The following RAD50 variants were observed in gnomAD, a reference collection of about 807,000 sequenced individuals.
RAD50 encodes RAD50 double strand break repair protein.
In RAD50, 132 loss-of-function variants were observed where a neutral mutation model predicts 168.8. The observed-to-expected ratio is 0.78, with a 90% CI of 0.68 to 0.90. The LOEUF is 0.90. RAD50 is among the 40% of genes least tolerant of loss of function. The pLI, the probability that RAD50 is intolerant of heterozygous loss-of-function variation, is 0.00. For missense variants in RAD50, 1,347 were observed against 1,534.4 expected (o/e 0.88, Z 2.04); for synonymous variants, 525 against 497.4 (o/e 1.06, Z -0.74).
At chr5:132,631,956 C>G (rs942009494) in intron 21 of RAD50, among the ~76,000 whole-genome samples, 7 of 152,194 alleles carry the variant, frequency 4.6e-5, no homozygotes, top group African/African-American at 1.4e-4. Context: ...CTCTTACCGT[C>G]CTTCCTACCC....
rs587780158 is a variant in RAD50 at position 132,579,935 on chromosome 5, G to C, written c.625G>C (p.Glu209Gln). The change falls in exon 5 of 25, where the codon GAA becomes CAA. Residue 209 changes from glutamate to glutamine, a missense_variant. Physicochemically the swap from Glu to Gln is conservative, Grantham distance 29 (BLOSUM62 2). This residue lies in a region of RAD50 where 703 missense variants were observed against 767.7 expected (regional missense o/e 0.92). Transcript: ENST00000378823. The stretch of plus-strand genomic sequence containing the variant: ...TCAGAAAGTAAAAGAATATCAAATG[G>C]AACTAAAATATCTGAAGCAATATAA... ...QGQKVKEYQM[E>Q]LKYLKQYKEK... 26 of 1,611,970 alleles carry C rather than the reference G, an allele frequency of 1.6e-5. No individual in the cohort carries two copies. Among genetic ancestry groups the C allele is most frequent in the Non-Finnish European group, 2.1e-5 (25 of 1,178,260 alleles).
At chr5:132,600,828 A>G (rs1039056364) in intron 13 of RAD50, among the ~76,000 whole-genome samples, 1 of 152,234 alleles carries the variant, frequency 6.6e-6, no homozygotes, top group African/African-American at 2.4e-5. Flanking sequence ...AAAAAATGAT[A>G]GGCAGGCAAG....
At position 132,566,199 on chromosome 5, in the gene RAD50, A is replaced by G. The variant is rs555038270; in HGVS notation, c.213+6832A>G. 1.7e-3 allele frequency among the ~76,000 whole-genome samples: 261 copies of G among 152,318 alleles called. 2 individuals are homozygous for G. Among genetic ancestry groups the G allele is most frequent in the African/African-American group, 6.2e-3 (256 of 41,572 alleles). On this transcript the variant is annotated intron_variant, in intron 2 of 24. Transcript: ENST00000378823. ...TAAGAGTGTCAACAACAATGTAGTGATAGAAATGCTACAAGATAGCCCTTG... is the reference window on the plus strand; with the variant it reads ...TAAGAGTGTCAACAACAATGTAGTGGTAGAAATGCTACAAGATAGCCCTTG...
intron 2 of RAD50, among the ~76,000 whole-genome samples, chr5:132,569,358 T>C (rs1750261227): frequency 1.3e-5 from 2 of 152,140 alleles, no homozygotes; most frequent in Non-Finnish European, 2.9e-5. Context: ...AAAAGAAAGC[T>C]GAAGTGACCA....
At chr5:132,606,180 A>T (rs183011985) in intron 16 of RAD50, among the ~76,000 whole-genome samples, 2 of 152,332 alleles carry the variant, frequency 1.3e-5, no homozygotes. Flanking sequence ...AAATCAATGA[A>T]TCCAGGAACT....
chr5:132,618,367 TTTTTTTCTTTTTTTC>T, intron 21 of RAD50, 73 bp downstream of exon 21: 5 of 1,549,678 alleles, frequency 3.2e-6, no homozygotes, highest in Non-Finnish European at 3.5e-6. Flanking sequence ...TTTTCTCTCA[TTTTTTTCTTTTTTTC>T]TTTTTTATTT....
At chr5:132,592,336 C>CT (rs1255333225) in intron 11 of RAD50, among the ~76,000 whole-genome samples, 1 of 152,102 alleles carries the variant, frequency 6.6e-6, no homozygotes, top group African/African-American at 2.4e-5. Flanking sequence ...TCAGTGTAGT[C>CT]TTTTTTACAT....
In RAD50 at chr5:132,642,822, A is replaced by G. The variant is rs1751760537; in HGVS notation, c.*458A>G. ...GTATTAATATCTGAGGATGACCAGA[A>G]ATGGTGAGATGTATGTTTGGCTCTG... On this transcript the variant is annotated 3_prime_UTR_variant, in exon 25 of 25. Transcript: ENST00000378823. The G allele has an allele frequency of 2.8e-6, 1 of 357,460 alleles. No individual in the cohort carries two copies. Among genetic ancestry groups the G allele is most frequent in the African/African-American group, 2.0e-5 (1 of 48,932 alleles). The allele number at this position is 357,460 out of a possible 1,614,324, so 22.1% of individuals were successfully genotyped here. A position where few individuals can be genotyped will look rare whatever the true frequency, so the allele number is the denominator to read the frequency against.
chr5:132,596,032 C>T (rs1160051367), intron 13 of RAD50, among the ~76,000 whole-genome samples: 1 of 151,588 alleles, frequency 6.6e-6, no homozygotes, highest in Non-Finnish European at 1.5e-5. Flanking sequence ...GAGTCTCTCT[C>T]TGTCACCTAA....
intron 21 of RAD50, among the ~76,000 whole-genome samples, chr5:132,631,371 T>A (rs560401626): frequency 2.0e-5 from 3 of 152,138 alleles, no homozygotes; most frequent in Non-Finnish European, 4.4e-5. Flanking sequence ...TTACCCACCT[T>A]GGCCTCCCAA....
chr5:132,640,864 G>A lies in RAD50; in HGVS notation c.3752+59G>A, dbSNP rs1199907801. ...AGTATCTCACATTTGGGGACAGGTTGTGATAGTTCTTCAAAACCAAGAGAG... is the reference window on the plus strand; with the variant it reads ...AGTATCTCACATTTGGGGACAGGTTATGATAGTTCTTCAAAACCAAGAGAG... On this transcript the variant is annotated intron_variant, in intron 24 of 24. Transcript: ENST00000378823. The A allele has an allele frequency of 9.9e-6, 16 of 1,609,048 alleles. 1 individual carries two copies. In the Admixed American group the frequency reaches 2.3e-4, roughly 23 times the overall value.
intron 21 of RAD50, among the ~76,000 whole-genome samples, chr5:132,620,520 A>T (rs1425837161): frequency 6.6e-6 from 1 of 152,104 alleles, no homozygotes; most frequent in Non-Finnish European, 1.5e-5. Flanking sequence ...TTAACCAGTG[A>T]ATTTAGGCCT....
At chr5:132,625,904 CT>C (rs1263606191) in intron 21 of RAD50, among the ~76,000 whole-genome samples, 282 of 145,364 alleles carry the variant, frequency 1.9e-3, no homozygotes, top group Middle Eastern at 3.6e-3. Context: ...ATATGAACAA[CT>C]TTTTTTTTTT....
chr5:132,619,885 T>TATATATATAAAGATATATATATATAG (rs1554099997), intron 21 of RAD50, among the ~76,000 whole-genome samples: 2 of 121,222 alleles, frequency 1.6e-5, no homozygotes, highest in Non-Finnish European at 3.2e-5. Flanking sequence ...TATATATATA[T>TATATATATAAAGATATATATATATAG]AGAGAGAGAG....
In RAD50 at chr5:132,638,234, C is replaced by T; in HGVS notation, c.3618+11C>T. 2 of 1,613,998 alleles carry T rather than the reference C, an allele frequency of 1.2e-6. No individual in the cohort carries two copies. Among genetic ancestry groups the T allele is most frequent in the South Asian group, 2.2e-5 (2 of 91,066 alleles). Reference sequence around the variant, plus strand: ...AGTGCTGGACAAAAGGCAGGTATCTCAAAAGCCTGGGGAGCCAACTCACCC... The same window carrying T: ...AGTGCTGGACAAAAGGCAGGTATCTTAAAAGCCTGGGGAGCCAACTCACCC... On this transcript the variant is annotated intron_variant, in intron 23 of 24. Coordinates refer to ENST00000378823, the MANE Select transcript of RAD50 (RefSeq NM_005732.4).
intron 19 of RAD50, among the ~76,000 whole-genome samples, chr5:132,613,897 A>G (rs868334111): frequency 1.9e-4 from 29 of 152,176 alleles, no homozygotes; most frequent in African/African-American, 6.5e-4. Context: ...ACGCCCGGCC[A>G]CACAATAGTT....
chr5:132,563,543 G>T (rs1750156923), intron 2 of RAD50, among the ~76,000 whole-genome samples: 2 of 152,182 alleles, frequency 1.3e-5, no homozygotes, highest in South Asian at 4.1e-4. Flanking sequence ...ATTAAGGGAG[G>T]TGTTCTGGGA....
At chr5:132,580,224 C>G (rs1750482401) in intron 5 of RAD50, among the ~76,000 whole-genome samples, 158 bp downstream of exon 5, 1 of 152,104 alleles carries the variant, frequency 6.6e-6, no homozygotes, top group Non-Finnish European at 1.5e-5. Flanking sequence ...AATCTACTCT[C>G]TTAGCAATTA....
chr5:132,581,081 T>A (rs1750496123), intron 5 of RAD50, among the ~76,000 whole-genome samples: 1 of 152,056 alleles, frequency 6.6e-6, no homozygotes, highest in Non-Finnish European at 1.5e-5. Flanking sequence ...TAGAAGACAT[T>A]TTATACATGT....
Sources: gnomAD v4.1 joint callset for allele counts (sites outside exome capture counted in the v4.1 genomes callset) on GRCh38, gnomAD v4.1.1 for gene constraint, gnomAD v4.1.1 regional missense constraint, MANE v1.5 for transcripts, NCBI Gene and HGNC (gene_info 2026-07-23, HGNC 2026-07-21) for gene names.